Variants in ATG2A observed in about 807,000 individuals in gnomAD.
ATG2A encodes the protein autophagy-related protein 2 homolog A.
Under a neutral mutation model 214.2 loss-of-function variants are expected in ATG2A, and 103 were observed. The observed-to-expected ratio is 0.48, with a 90% CI of 0.41 to 0.57. ATG2A has a LOEUF of 0.57. Ranked by LOEUF, ATG2A falls within the 20% of genes least tolerant of loss-of-function variation. The pLI is 0.00. For missense variants in ATG2A, 2,312 were observed against 2,613.2 expected (o/e 0.88, Z 2.51); for synonymous variants, 1,160 against 1,142.1 (o/e 1.02, Z -0.32).
At chr11:64,901,171 A>G in intron 29 of ATG2A, 79 bp from the exon 30 acceptor site, 1 of 1,410,868 alleles carries the variant, frequency 7.1e-7, no homozygotes, top group Non-Finnish European at 9.5e-7. Context: ...ACCTGGCCTC[A>G]CTTCTTTTTC....
intron 3 of ATG2A, 74 bp downstream of exon 3, chr11:64,914,007 G>T: frequency 1.3e-6 from 2 of 1,560,280 alleles, no homozygotes; most frequent in Non-Finnish European, 1.7e-6. Flanking sequence ...GGGTGGCCGT[G>T]CCGTTGTCTG....
In ATG2A at chr11:64,905,863, G is replaced by A. The variant is rs763104070; in HGVS notation, c.3265-15C>T. On this transcript the variant is annotated splice_polypyrimidine_tract_variant and intron_variant, in intron 22 of 40. Coordinates refer to ENST00000377264, the MANE Select transcript of ATG2A (RefSeq NM_015104.3). ...AACTCCAACAACTTCAGAGGCCAGG[G>A]CAGGAGGAAGCAGTGAGGATCAGGT... 3.7e-6 allele frequency: 6 copies of A among 1,609,508 alleles called. No individual in the cohort carries two copies. Among genetic ancestry groups the A allele is most frequent in the Non-Finnish European group, 4.2e-6 (5 of 1,177,044 alleles).
At position 64,913,469 on chromosome 11, in the gene ATG2A, C is replaced by G; in HGVS notation, c.591-68G>C. 1 of 1,485,626 alleles carries G rather than the reference C, an allele frequency of 6.7e-7. No homozygotes were observed. Among genetic ancestry groups the G allele is most frequent in the Non-Finnish European group, 9.0e-7 (1 of 1,113,024 alleles). The allele number at this position is 1,485,626 out of a possible 1,614,324, so 92.0% of individuals were successfully genotyped here. On this transcript the variant is annotated intron_variant, in intron 4 of 40. Coordinates refer to ENST00000377264, the MANE Select transcript of ATG2A (RefSeq NM_015104.3). The surrounding 1 kb of genome is among the most constrained non-coding windows in gnomAD (Gnocchi z 4.3). ...CTGGAGCCCCTCTCTCCACACAGTG[C>G]TCTGCTCTAGGGGCACGGGGTCAGG...
rs370825464 is a variant in ATG2A, at chr11:64,910,106, G to A, written c.1797C>T (p.Ala599=). 11 of 1,611,328 alleles carry A rather than the reference G, an allele frequency of 6.8e-6. No homozygotes were observed. The highest frequency in any genetic ancestry group is 9.3e-6 in the Non-Finnish European group (11 of 1,179,424). ...ANFQADVELG[A]LDRLAALLRL... is the part of the protein sequence containing the mutation. The stretch of plus-strand genomic sequence containing the variant: ...GCAGTAGGGCGGCCAGCCGGTCCAG[G>A]GCCCCCAGCTCCACGTCCGCCTGGA... Residue 599 remains alanine, a synonymous_variant, in exon 13 of 41, where the codon GCC becomes GCT. Transcript: ENST00000377264.
rs746914035 is a variant in ATG2A at position 64,898,349 on chromosome 11, G to A, written c.4685C>T (p.Ala1562Val). Reference sequence around the variant, plus strand: ...GTTGGTAGTGGGGGCCACATGCAGCGCTTTGATGGTGAGCTGGGAGCAGAG... The same window carrying A: ...GTTGGTAGTGGGGGCCACATGCAGCACTTTGATGGTGAGCTGGGAGCAGAG... The part of the protein sequence containing the change: ...RAHSNMLTIK[A>V]LHVAPTTNLG... The change falls in exon 33 of 41, where the codon GCG becomes GTG. Residue 1562 changes from alanine (A) to valine (V), a missense_variant. Physicochemically the swap from Ala to Val is moderately conservative, Grantham distance 64. Coordinates refer to ENST00000377264, the MANE Select transcript of ATG2A (RefSeq NM_015104.3). This position sits in a 1 kb window ranked among gnomAD's most constrained non-coding sequence, Gnocchi z 4.5. The A allele has an allele frequency of 1.1e-5, 17 of 1,603,870 alleles. No homozygotes were observed. The highest frequency in any genetic ancestry group is 7.8e-5 in the South Asian group (7 of 90,004).
In ATG2A at chr11:64,914,379, A is replaced by G; in HGVS notation, c.293T>C (p.Val98Ala). Reference protein sequence around the residue: ...ALLTDHCTVRVSGLQLTLQPR... With the variant: ...ALLTDHCTVRASGLQLTLQPR... ...CTGCAAGGTGAGCTGGAGGCCGGAC[A>G]CGCGCACTGTGCAGTGGTCGGTGAG... Residue 98 changes from valine (V) to alanine (A), a missense_variant, in exon 2 of 41, where the codon GTG (valine) becomes GCG (alanine). Transcript: ENST00000377264. 2 of 1,610,890 alleles carry G rather than the reference A, an allele frequency of 1.2e-6. No homozygotes were observed. Among genetic ancestry groups the G allele is most frequent in the Admixed American group, 1.7e-5 (1 of 59,694 alleles).
At position 64,916,959 on chromosome 11, in the gene ATG2A, C is replaced by T. The variant is rs1945013696; in HGVS notation, c.171+6G>A. The T allele has an allele frequency of 6.2e-7, 1 of 1,613,070 alleles. No individual in the cohort carries two copies. On this transcript the variant is annotated splice_donor_region_variant and intron_variant, in intron 1 of 40. Coordinates refer to ENST00000377264, the MANE Select transcript of ATG2A (RefSeq NM_015104.3). ...CACCTTCCTGGACTCGGGCCTGGCT[C>T]CTCACCCAGATTTCCAGGTGGATGT...
Position 64,894,967 on chromosome 11 carries a change from C to CCAGGCT in ATG2A, c.5817_*5dup, listed in dbSNP as rs1192770294. On this transcript the variant is annotated 3_prime_UTR_variant, in exon 41 of 41. Coordinates refer to ENST00000377264, the MANE Select transcript of ATG2A (RefSeq NM_015104.3). ...CAGCACCCTCTGGGTGCCGGGCACC[C>CCAGGCT]CAGGCTCAGTCTTGGGCACTGTCCG... 4 of 1,611,504 alleles carry CCAGGCT rather than the reference C, an allele frequency of 2.5e-6. No individual in the cohort carries two copies. In the African/African-American group the frequency reaches 5.3e-5, roughly 22 times the overall value.
chr11:64,897,293 G>A (rs1464140922), intron 37 of ATG2A, 119 bp downstream of exon 37: 8 of 1,223,138 alleles, frequency 6.5e-6, no homozygotes, highest in South Asian at 2.8e-5. Flanking sequence ...CCTTTTTACA[G>A]AGGAGAAACT....
Position 64,914,219 on chromosome 11 carries a change from C to T in ATG2A, c.349G>A (p.Asp117Asn), listed in dbSNP as rs943269529. 8.0e-5 allele frequency: 124 copies of T among 1,553,082 alleles called. No homozygotes were observed. The highest frequency in any genetic ancestry group is 1.0e-4 in the Non-Finnish European group (118 of 1,148,256). Residue 117 changes from aspartate to asparagine, a missense_variant, in exon 3 of 41, where the codon GAC (aspartate) becomes AAC (asparagine). Transcript: ENST00000377264. ...ATGCATGAGGCCCAGCTCTGTGAGTCGGCAGCCCCTGGCGCTGTAGGGAGA... is the reference window on the plus strand; with the variant it reads ...ATGCATGAGGCCCAGCTCTGTGAGTTGGCAGCCCCTGGCGCTGTAGGGAGA... ...PRRGPAPGAA[D>N]SQSWASCMTT... is the part of the protein sequence containing the mutation.
intron 28 of ATG2A, 24 bp from the exon 29 acceptor site, chr11:64,902,200 A>C (rs1298268409): frequency 6.2e-7 from 1 of 1,612,676 alleles, no homozygotes; most frequent in African/African-American, 1.3e-5. Context: ...GCCAGTTTGG[A>C]GAGGCGCCCA....
Position 64,910,060 on chromosome 11 carries a change from C to T in ATG2A, c.1843G>A (p.Glu615Lys). Residue 615 changes from glutamate to lysine, a missense_variant, in exon 13 of 41, where the codon GAG becomes AAG. Glu to Lys is a moderately conservative substitution (Grantham distance 56). Transcript: ENST00000377264. ...ALLRLATVPA[E>K]PPAGLLTEPL... The stretch of plus-strand genomic sequence containing the variant: ...CTCACCAGCAGGCCGGCTGGAGGCT[C>T]AGCAGGTACGGTGGCCAGGCGCAGT... 1 of 1,596,278 alleles carries T rather than the reference C, an allele frequency of 6.3e-7. No homozygotes were observed. Among genetic ancestry groups the T allele is most frequent in the Non-Finnish European group, 8.5e-7 (1 of 1,172,866 alleles).
chr11:64,903,466 G>C lies in ATG2A; in HGVS notation c.3536-102C>G. 8 of 1,510,220 alleles carry C rather than the reference G, an allele frequency of 5.3e-6. No homozygotes were observed. The highest frequency in any genetic ancestry group is 7.2e-6 in the Non-Finnish European group (8 of 1,103,548). 93.6% of individuals were successfully genotyped at this position (1,510,220 alleles called of 1,614,324 possible). On this transcript the variant is annotated intron_variant, in intron 25 of 40. Transcript: ENST00000377264. This position sits in a 1 kb window ranked among gnomAD's most constrained non-coding sequence, Gnocchi z 4.2. ...GGTTGATCCAGGTGTAGTCCCTGCT[G>C]TGCGGGCTACGTGTGGGAGCTAAGG...
intron 6 of ATG2A, chr11:64,912,833 T>C (rs1944827841): frequency 1.9e-6 from 1 of 529,792 alleles, no homozygotes; most frequent in African/African-American, 1.9e-5. Flanking sequence ...CCTCAGATGA[T>C]CCACCCACCT....
rs773706454 is a variant in ATG2A at position 64,909,150 on chromosome 11, C to G, written c.2205G>C (p.Gln735His). The G allele has an allele frequency of 6.2e-7, 1 of 1,608,046 alleles. No homozygotes were observed. The highest frequency in any genetic ancestry group is 2.2e-5 in the East Asian group (1 of 44,854). Residue 735 changes from glutamine to histidine, a missense_variant and splice_region_variant, in exon 16 of 41, where the codon CAG becomes CAC. Coordinates refer to ENST00000377264, the MANE Select transcript of ATG2A (RefSeq NM_015104.3). ...KSTGRKYFLPQVVVTVNPQSS... is the reference protein window; with the variant it reads ...KSTGRKYFLPHVVVTVNPQSS... ...ACTGGGGGTTCACAGTCACCACTAC[C>G]CTGCCGGGGCACAGGCCTGTTACTG...
At chr11:64,916,338 C>T (rs899923289) in intron 1 of ATG2A, among the ~76,000 whole-genome samples, 3 of 152,174 alleles carry the variant, frequency 2.0e-5, no homozygotes, top group African/African-American at 7.2e-5. Flanking sequence ...CCATCCAGTC[C>T]CTCCCTAGAC....
chr11:64,912,261 G>A lies in ATG2A; in HGVS notation c.923-12C>T, dbSNP rs1944801905. 2 of 1,611,102 alleles carry A rather than the reference G, an allele frequency of 1.2e-6. No individual in the cohort carries two copies. Among genetic ancestry groups the A allele is most frequent in the Non-Finnish European group, 1.7e-6 (2 of 1,178,250 alleles). ...CAGGCCCTCGTGGTCTGCAGGGGAG[G>A]AGACTTCAGTCTGGGCTGGCTGGCC... On this transcript the variant is annotated splice_polypyrimidine_tract_variant and intron_variant, in intron 7 of 40. Transcript: ENST00000377264.
intron 29 of ATG2A, among the ~76,000 whole-genome samples, chr11:64,901,649 A>G (rs1188483014): frequency 2.6e-5 from 4 of 152,062 alleles, no homozygotes; most frequent in Admixed American, 6.5e-5. Flanking sequence ...TTGCAGCCAC[A>G]TGGTTCTCCA....
chr11:64,900,868 A>C lies in ATG2A; in HGVS notation c.4328+16T>G. The C allele has an allele frequency of 6.5e-7, 1 of 1,546,940 alleles. No homozygotes were observed. The highest frequency in any genetic ancestry group is 8.7e-7 in the Non-Finnish European group (1 of 1,146,226). On this transcript the variant is annotated intron_variant, in intron 30 of 40. Coordinates refer to ENST00000377264, the MANE Select transcript of ATG2A (RefSeq NM_015104.3). ...CCAACCTTCACCAGCTGCCACCTGC[A>C]CCCGCTCCTCCTCACCTGTGGCCGG...
Sources: gnomAD v4.1 joint callset for allele counts (sites outside exome capture counted in the v4.1 genomes callset) on GRCh38, gnomAD v4.1.1 for gene constraint, Gnocchi (gnomAD v3.1) non-coding constraint, MANE v1.5 for transcripts, NCBI Gene and HGNC (gene_info 2026-07-23, HGNC 2026-07-21) for gene names.